The following ROBO2 variants were observed in gnomAD, a reference collection of about 807,000 sequenced individuals.
ROBO2 encodes the protein roundabout guidance receptor 2.
Under a neutral mutation model 160.8 loss-of-function variants are expected in ROBO2, and 53 were observed. The ratio of observed to expected loss-of-function variants is 0.33; its 90% confidence interval spans 0.26 to 0.41. The LOEUF (loss-of-function observed/expected upper bound fraction) is 0.41. ROBO2 is among the 10% of genes least tolerant of loss of function. The pLI, the probability that ROBO2 is intolerant of heterozygous loss-of-function variation, is 1.00. For missense variants in ROBO2, 1,577 were observed against 1,722.4 expected, an observed-to-expected ratio of 0.92 and a Z score of 1.49; for synonymous variants, 664 against 611.7, an observed-to-expected ratio of 1.09 and a Z score of -1.26.
At chr3:77,024,556 T>A (rs928058326) in intron 2 of ROBO2, among the ~76,000 whole-genome samples, 2 of 152,134 alleles carry the variant, frequency 1.3e-5, no homozygotes, top group Admixed American at 6.5e-5. Flanking sequence ...ATGTTAAAAC[T>A]AATGTTAGGG....
intron 2 of ROBO2, among the ~76,000 whole-genome samples, chr3:76,322,206 T>TA (rs2072618507): frequency 8.3e-6 from 1 of 119,826 alleles, no homozygotes; most frequent in African/African-American, 3.4e-5. Context: ...ATATATATAA[T>TA]ATACACACAC....
At chr3:75,961,032 T>G (rs2107275703) in intron 2 of ROBO2, among the ~76,000 whole-genome samples, 1 of 151,804 alleles carries the variant, frequency 6.6e-6, no homozygotes, top group Non-Finnish European at 1.5e-5. Flanking sequence ...CTTTATTCAG[T>G]AAGTTATTTG....
In ROBO2 at chr3:77,488,785, A is replaced by T. The variant is rs187242374; in HGVS notation, c.668-4459A>T. Among the ~76,000 whole-genome samples the T allele has an allele frequency of 5.9e-5, 9 of 152,306 alleles. No homozygotes were observed. The East Asian group carries it at 1.7e-3, about 29-fold the overall frequency. On this transcript the variant is annotated intron_variant, in intron 4 of 25. Transcript: ENST00000461745. ...CTTATTGTAACGGTTGCCACTGCAG[A>T]TCCAACGCATTTGAAATACATTTTT...
intron 2 of ROBO2, among the ~76,000 whole-genome samples, chr3:76,951,010 G>A (rs566653415): frequency 2.0e-5 from 3 of 152,292 alleles, no homozygotes; most frequent in African/African-American, 7.2e-5. Context: ...TTACAGGCGT[G>A]AGCCCCTGCA....
intron 2 of ROBO2, among the ~76,000 whole-genome samples, chr3:76,086,834 A>C (rs1479989561): frequency 3.9e-5 from 6 of 152,184 alleles, no homozygotes; most frequent in Non-Finnish European, 5.9e-5. Flanking sequence ...CAATGTAAAC[A>C]GATGAAAATT....
At chr3:76,539,326 C>T (rs552789704) in intron 2 of ROBO2, among the ~76,000 whole-genome samples, 10 of 151,160 alleles carry the variant, frequency 6.6e-5, no homozygotes, top group African/African-American at 2.4e-4. Flanking sequence ...CACACCTGCC[C>T]GTTCAGCACA....
chr3:76,084,529 A>G (rs1559898359), intron 2 of ROBO2, among the ~76,000 whole-genome samples: 1 of 152,194 alleles, frequency 6.6e-6, no homozygotes, highest in Non-Finnish European at 1.5e-5. Context: ...ATTGAGGCAT[A>G]GATGCAGGAA....
chr3:76,635,563 C>T (rs951786240), intron 2 of ROBO2, among the ~76,000 whole-genome samples: 1 of 152,200 alleles, frequency 6.6e-6, no homozygotes, highest in African/African-American at 2.4e-5. Flanking sequence ...CTGTTTCTTA[C>T]TCACCAGCTC....
intron 2 of ROBO2, among the ~76,000 whole-genome samples, chr3:76,680,764 A>ATTTTAT (rs984352950): frequency 2.0e-5 from 3 of 152,076 alleles, no homozygotes; most frequent in Admixed American, 2.0e-4. Context: ...TATAATTTAT[A>ATTTTAT]TTTTATTTTT....
chr3:76,095,680 C>T (rs921094116), intron 2 of ROBO2, among the ~76,000 whole-genome samples: 1 of 151,316 alleles, frequency 6.6e-6, no homozygotes, highest in Non-Finnish European at 1.5e-5. Flanking sequence ...GTAGTACTAT[C>T]TATGGTATTG....
chr3:76,291,383 C>T (rs371432127), intron 2 of ROBO2, among the ~76,000 whole-genome samples: 5 of 151,824 alleles, frequency 3.3e-5, no homozygotes, highest in African/African-American at 9.7e-5. Context: ...GTGGAGTCAC[C>T]GGCAATGTCC....
At chr3:76,864,008 C>T (rs533785024) in intron 2 of ROBO2, among the ~76,000 whole-genome samples, 11 of 151,976 alleles carry the variant, frequency 7.2e-5, no homozygotes, top group Admixed American at 5.2e-4. Flanking sequence ...GTAACATTTC[C>T]AGGTGAGTGG....
chr3:76,873,635 T>A (rs768670430), intron 2 of ROBO2, among the ~76,000 whole-genome samples: 1 of 152,118 alleles, frequency 6.6e-6, no homozygotes, highest in Non-Finnish European at 1.5e-5. Context: ...CTTACTATGT[T>A]GCCCAGGATG....
intron 2 of ROBO2, among the ~76,000 whole-genome samples, chr3:76,605,388 A>T (rs116081794): frequency 0.32 from 46,750 of 144,350 alleles, 7,734 homozygotes; most frequent in South Asian, 0.41. Context: ...CTGTATTTTA[A>T]AAAAAAAAGG....
rs185845320 is a variant in ROBO2 at position 76,246,860 on chromosome 3, C to T, written c.109+309258C>T. On this transcript the variant is annotated intron_variant, in intron 2 of 26. Coordinates refer to the ROBO2 transcript ENST00000487694. ...ATTGACTTGGTTTATCAGCCAAATC[C>T]TTCCTATCATTTATTGCAATTTGAA... is the stretch of plus-strand genomic sequence containing the variant. Among the ~76,000 whole-genome samples the T allele has an allele frequency of 7.0e-3, 1,069 of 152,120 alleles. 13 individuals carry two copies. The highest frequency in any genetic ancestry group is 0.05 in the South Asian group (242 of 4,816).
rs115200914 is a variant in ROBO2 at position 77,501,153 on chromosome 3, G to A, written c.806+7771G>A. On this transcript the variant is annotated intron_variant, in intron 5 of 25. Coordinates refer to ENST00000461745, the Ensembl canonical transcript of ROBO2. Reference sequence around the variant, plus strand: ...CAGTTAGGCTGAGGTAGCGACTAGGGCAACATTTTACCTTAAACCAAACTA... The same window carrying A: ...CAGTTAGGCTGAGGTAGCGACTAGGACAACATTTTACCTTAAACCAAACTA... 9.1e-3 allele frequency among the ~76,000 whole-genome samples: 1,377 copies of A among 152,150 alleles called. 26 individuals carry two copies. The highest frequency in any genetic ancestry group is 0.032 in the African/African-American group (1,330 of 41,498).
chr3:76,400,830 T>C (rs1184154161), intron 2 of ROBO2, among the ~76,000 whole-genome samples: 2 of 151,524 alleles, frequency 1.3e-5, no homozygotes, highest in East Asian at 1.9e-4. Flanking sequence ...CCATTCAGTG[T>C]TCTCTCTACA....
intron 2 of ROBO2, among the ~76,000 whole-genome samples, chr3:76,992,351 A>T (rs1330193563): frequency 1.4e-5 from 1 of 70,554 alleles, no homozygotes; most frequent in African/African-American, 4.9e-5. Context: ...ATATATATAT[A>T]TATATATATA....
intron 2 of ROBO2, among the ~76,000 whole-genome samples, chr3:76,818,208 C>T (rs2065849931): frequency 2.0e-5 from 3 of 151,972 alleles, no homozygotes; most frequent in Admixed American, 2.0e-4. Flanking sequence ...GGTGGTATTA[C>T]ATTGTGGTTT....
Sources: allele counts gnomAD v4.1 joint callset (sites outside exome capture counted in the v4.1 genomes callset), GRCh38; gene constraint gnomAD v4.1.1; transcripts MANE v1.5; gene names NCBI Gene and HGNC (gene_info 2026-07-23, HGNC 2026-07-21).